The following MTDH variants were observed in gnomAD, a reference collection of about 807,000 sequenced individuals.
MTDH encodes protein LYRIC.
Under a neutral mutation model 72.7 loss-of-function variants are expected in MTDH, and 34 were observed. The ratio of observed to expected loss-of-function variants is 0.47; its 90% CI spans 0.36 to 0.62. MTDH has a LOEUF of 0.62. MTDH is among the 20% of genes least tolerant of loss of function. MTDH has a pLI of 0.00. For missense variants in MTDH, 677 were observed against 699.4 expected (o/e 0.97, Z 0.36); for synonymous variants, 266 against 268.9 (o/e 0.99, Z 0.10).
rs772503080 is a variant in MTDH at position 97,719,155 on chromosome 8, G to A, written c.1487G>A (p.Ser496Asn). 2 of 1,613,676 alleles carry A rather than the reference G, an allele frequency of 1.2e-6. No homozygotes were observed. Among genetic ancestry groups the A allele is most frequent in the Non-Finnish European group, 1.7e-6 (2 of 1,179,946 alleles). ...TTTTCCTTGAAGACCATAAGCACTA[G>A]TGATCCAGCCGAAGTACTCGTCAAA... ...KAFSLKTIST[S>N]DPAEVLVKNS... Residue 496 changes from serine to asparagine, a missense_variant, in exon 10 of 12, where the codon AGT becomes AAT. By Grantham distance (46) the Ser-to-Asn change is conservative. Coordinates refer to ENST00000336273, the MANE Select transcript of MTDH (RefSeq NM_178812.4).
chr8:97,724,357 T>G (rs1326230776), intron 11 of MTDH, among the ~76,000 whole-genome samples: 1 of 152,150 alleles, frequency 6.6e-6, no homozygotes, highest in Non-Finnish European at 1.5e-5. Flanking sequence ...ACAGTTTTTT[T>G]GGGTCAAAAC....
chr8:97,667,233 G>C (rs904323898), intron 2 of MTDH, among the ~76,000 whole-genome samples: 1 of 152,136 alleles, frequency 6.6e-6, no homozygotes, highest in African/African-American at 2.4e-5. Context: ...CAGTCCACCT[G>C]CCTTGGCCTC....
chr8:97,712,847 T>A (rs1814692035), intron 8 of MTDH, among the ~76,000 whole-genome samples: 1 of 152,186 alleles, frequency 6.6e-6, no homozygotes, highest in Non-Finnish European at 1.5e-5. Context: ...TCTGTTCATG[T>A]CTTTTGCATA....
At chr8:97,673,144 G>A (rs780263418) in intron 2 of MTDH, among the ~76,000 whole-genome samples, 3 of 152,100 alleles carry the variant, frequency 2.0e-5, no homozygotes, top group Non-Finnish European at 4.4e-5. Context: ...TAAAACAAGA[G>A]CCCCTACTCT....
At chr8:97,645,547 G>T (rs571108607) in intron 1 of MTDH, among the ~76,000 whole-genome samples, 7 of 152,216 alleles carry the variant, frequency 4.6e-5, no homozygotes, top group Non-Finnish European at 7.3e-5. Flanking sequence ...GTGAGAAAGA[G>T]CTAAGGCGAG....
chr8:97,718,897 T>C (rs1814988297), intron 9 of MTDH, 152 bp from the exon 10 acceptor site: 1 of 594,498 alleles, frequency 1.7e-6, no homozygotes, highest in South Asian at 2.1e-5. Flanking sequence ...GGTTTCACCA[T>C]GTTGCCCAGG....
chr8:97,691,882 T>C (rs1485387159), intron 6 of MTDH, among the ~76,000 whole-genome samples: 1 of 152,078 alleles, frequency 6.6e-6, no homozygotes, highest in Non-Finnish European at 1.5e-5. Flanking sequence ...TTTTGTTTGT[T>C]TGTTTGTTTG....
intron 1 of MTDH, among the ~76,000 whole-genome samples, chr8:97,656,174 ATG>A (rs765839802): frequency 6.6e-6 from 1 of 152,028 alleles, no homozygotes; most frequent in Non-Finnish European, 1.5e-5. Context: ...GTAGGGTTCT[ATG>A]TGATTTCATT....
chr8:97,667,831 TAAAAAAA>T (rs542822923), intron 2 of MTDH, among the ~76,000 whole-genome samples: 5 of 116,282 alleles, frequency 4.3e-5, no homozygotes, highest in East Asian at 4.9e-4. Context: ...GTCTCTATAT[TAAAAAAA>T]AAAAAAAAAA....
At chr8:97,677,348 G>A (rs1332323378) in intron 2 of MTDH, among the ~76,000 whole-genome samples, 3 of 151,524 alleles carry the variant, frequency 2.0e-5, no homozygotes, top group Non-Finnish European at 2.9e-5. Context: ...AAAATTAGCC[G>A]GGCATGGTGG....
intron 6 of MTDH, chr8:97,696,104 C>A: frequency 2.9e-6 from 1 of 341,074 alleles, no homozygotes; most frequent in South Asian, 1.2e-4. Context: ...GTTCTCATTT[C>A]TAAGGTTATC....
At chr8:97,683,290 C>T (rs917508647) in intron 2 of MTDH, among the ~76,000 whole-genome samples, 1 of 151,750 alleles carries the variant, frequency 6.6e-6, no homozygotes, top group Non-Finnish European at 1.5e-5. Context: ...GTCTCGATCT[C>T]CTAAGCTCAG....
chr8:97,721,284 A>C (rs532947997), intron 10 of MTDH, among the ~76,000 whole-genome samples: 2 of 152,098 alleles, frequency 1.3e-5, no homozygotes, highest in Non-Finnish European at 2.9e-5. Context: ...TCTACCAAAA[A>C]TACAAAAAAG....
intron 8 of MTDH, among the ~76,000 whole-genome samples, chr8:97,713,377 GC>G (rs1382280611): frequency 6.6e-6 from 1 of 152,140 alleles, no homozygotes; most frequent in Non-Finnish European, 1.5e-5. Context: ...GAACCACCGT[GC>G]CCAGCCTCAG....
intron 5 of MTDH, 55 bp downstream of exon 5, chr8:97,689,158 A>G: frequency 4.4e-6 from 4 of 910,100 alleles, no homozygotes; most frequent in Non-Finnish European, 5.2e-6. Context: ...AGAAATTTAT[A>G]TACATACCTC....
At chr8:97,648,697 G>C (rs1348488926) in intron 1 of MTDH, among the ~76,000 whole-genome samples, 1 of 152,164 alleles carries the variant, frequency 6.6e-6, no homozygotes, top group Non-Finnish European at 1.5e-5. Flanking sequence ...TTGCATATTA[G>C]TGTAGGAATG....
rs896377328 is a variant in MTDH, at chr8:97,725,265, GA to G, written c.*599del. The G allele has an allele frequency of 1.2e-4, 18 of 152,560 alleles. No individual in the cohort carries two copies. Among genetic ancestry groups the G allele is most frequent in the Non-Finnish European group, 5.9e-5 (4 of 68,032 alleles). 9.5% of individuals were successfully genotyped at this position (152,560 alleles called of 1,614,324 possible). On this transcript the variant is annotated 3_prime_UTR_variant, in exon 12 of 12. Transcript: ENST00000336273. ...ATTTTTAAAAAGTTCTTAAAATACT[GA>G]AAATGCAGTTGACACTTGTGTATGG...
intron 2 of MTDH, among the ~76,000 whole-genome samples, chr8:97,669,981 G>T (rs934577694): frequency 6.6e-6 from 1 of 151,478 alleles, no homozygotes; most frequent in African/African-American, 2.4e-5. Context: ...ATGTAGCCTG[G>T]ATTTTTTTGC....
rs2131098645 is a variant in MTDH at position 97,725,953 on chromosome 8, TAAAGA to T, written c.*1287_*1291del. 1 of 152,666 alleles carries T rather than the reference TAAAGA, an allele frequency of 6.6e-6. No homozygotes were observed. The highest frequency in any genetic ancestry group is 1.5e-5 in the Non-Finnish European group (1 of 68,006). 9.5% of individuals were successfully genotyped at this position (152,666 alleles called of 1,614,324 possible). ...ATTAACATCACTTAGTGAATTGTGATAAAGAAAAAAAAGCCATGATTTATTCGATG... is the reference window on the plus strand; with the variant it reads ...ATTAACATCACTTAGTGAATTGTGATAAAAAAAGCCATGATTTATTCGATG... On this transcript the variant is annotated 3_prime_UTR_variant, in exon 12 of 12. Coordinates refer to ENST00000336273, the MANE Select transcript of MTDH (RefSeq NM_178812.4).
Sources: gnomAD v4.1 joint callset for allele counts (sites outside exome capture counted in the v4.1 genomes callset) on GRCh38, gnomAD v4.1.1 for gene constraint, MANE v1.5 for transcripts, NCBI Gene and HGNC (gene_info 2026-07-23, HGNC 2026-07-21) for gene names.